ZNF248: variants seen among roughly 807,000 people sequenced by gnomAD.
The protein encoded by ZNF248 is zinc finger protein 248.
A neutral mutation model predicts 44.3 loss-of-function variants in ZNF248; 20 were observed. The observed-to-expected ratio is 0.45, with a 90% CI of 0.32 to 0.66. ZNF248 has a LOEUF of 0.66. ZNF248 is among the 30% of genes least tolerant of loss of function. The pLI, the probability that ZNF248 is intolerant of heterozygous loss-of-function variation, is 0.04. For synonymous variants in ZNF248, 224 were observed against 229.0 expected (o/e 0.98, Z 0.20); for missense variants, 654 against 677.0 (o/e 0.97, Z 0.38).
chr10:37,815,307 G>A (rs897047334), intron 6 of ZNF248, among the ~76,000 whole-genome samples: 4 of 151,980 alleles, frequency 2.6e-5, no homozygotes, highest in African/African-American at 9.7e-5. Context: ...CAGGTGATCT[G>A]CCTGCCTCAG....
chr10:37,834,038 GCTCATCCCTAATAACATACCTTCCA>G (rs919077942), intron 5 of ZNF248, among the ~76,000 whole-genome samples: 1 of 152,018 alleles, frequency 6.6e-6, no homozygotes, highest in African/African-American at 2.4e-5. Context: ...CTCAGAAATT[GCTCATCCCTAATAACATACCTTCCA>G]CTCAACTAGA....
intron 5 of ZNF248, among the ~76,000 whole-genome samples, chr10:37,837,031 T>C (rs2057352569): frequency 6.7e-6 from 1 of 149,742 alleles, no homozygotes; most frequent in Non-Finnish European, 1.5e-5. Context: ...AAAACATATC[T>C]AAAATGAAGC....
intron 6 of ZNF248, among the ~76,000 whole-genome samples, chr10:37,806,734 C>T (rs564894178): frequency 2.9e-4 from 44 of 151,922 alleles, no homozygotes; most frequent in Non-Finnish European, 6.0e-4. Flanking sequence ...AACATAAAAG[C>T]GTTATAAATT....
At chr10:37,763,688 T>A in the ZNF248 span, among the ~76,000 whole-genome samples, 18 of 152,182 alleles carry the variant, frequency 1.2e-4, no homozygotes, top group Non-Finnish European at 2.5e-4. Flanking sequence ...ACAGAAAAGA[T>A]ATGTTGTTGC....
intron 3 of ZNF248, among the ~76,000 whole-genome samples, chr10:37,849,255 C>G (rs937146575): frequency 1.3e-5 from 2 of 151,338 alleles, no homozygotes; most frequent in Admixed American, 1.3e-4. Flanking sequence ...TGACTACTGA[C>G]TACTACACCA....
the ZNF248 span, among the ~76,000 whole-genome samples, chr10:37,767,112 T>C: frequency 4.0e-5 from 6 of 151,816 alleles, no homozygotes; most frequent in Admixed American, 1.3e-4. Context: ...CTCCAAGAAA[T>C]ATGGGACTAG....
intron 1 of ZNF248, 73 bp from the exon 2 acceptor site, chr10:37,856,605 C>A (rs949692135): frequency 1.2e-5 from 13 of 1,089,956 alleles, no homozygotes; most frequent in Non-Finnish European, 1.2e-5. Context: ...GGAAAAAACA[C>A]TATGGGTTTG....
At position 37,856,284 on chromosome 10, in the gene ZNF248, C is replaced by T. The variant is rs377753443; in HGVS notation, c.15+12G>A. The T allele has an allele frequency of 1.2e-5, 20 of 1,612,158 alleles. No homozygotes were observed. Among genetic ancestry groups the T allele is most frequent in the Admixed American group, 3.3e-5 (2 of 59,870 alleles). On this transcript the variant is annotated intron_variant, in intron 3 of 5. Coordinates refer to ENST00000395867, the MANE Select transcript of ZNF248 (RefSeq NM_021045.3). The stretch of plus-strand genomic sequence containing the variant: ...TTTAAACAAACTGGGAATAAAGAAA[C>T]AAGAATCTCACCTGGGATTTGTTCA...
intron 6 of ZNF248, among the ~76,000 whole-genome samples, chr10:37,800,135 G>A (rs1465109504): frequency 1.3e-5 from 2 of 152,104 alleles, no homozygotes; most frequent in East Asian, 1.9e-4. Flanking sequence ...TTTATTTTAG[G>A]TTCAGGGGTA....
chr10:37,776,638 C>T (rs2046605402), intron 6 of ZNF248: 2 of 396,410 alleles, frequency 5.0e-6, no homozygotes, highest in South Asian at 1.3e-4. Flanking sequence ...CAAAGAACTT[C>T]CTTGTCTAAA....
At chr10:37,833,458 C>G (rs1456738814) in intron 5 of ZNF248, among the ~76,000 whole-genome samples, 1 of 152,152 alleles carries the variant, frequency 6.6e-6, no homozygotes, top group Admixed American at 6.6e-5. Flanking sequence ...ATGGGGTGAA[C>G]CCAACAGAGA....
At position 37,808,088 on chromosome 10, in the gene ZNF248, C is replaced by A. The variant is rs569453510; in HGVS notation, c.330+24937G>T. Among the ~76,000 whole-genome samples the A allele has an allele frequency of 7.9e-5, 12 of 152,052 alleles. No individual in the cohort carries two copies. The East Asian group carries it at 2.1e-3, about 27-fold the overall frequency. Reference sequence around the variant, plus strand: ...AGTGTTGAAATATGTCAAATGGTTTCTCTTCATCAATTGACATCATGTTTT... The same window carrying A: ...AGTGTTGAAATATGTCAAATGGTTTATCTTCATCAATTGACATCATGTTTT... On this transcript the variant is annotated intron_variant, in intron 6 of 6. Transcript: ENST00000615949.
intron 3 of ZNF248, among the ~76,000 whole-genome samples, chr10:37,849,441 G>A (rs915832418): frequency 3.3e-5 from 5 of 152,294 alleles, no homozygotes; most frequent in Admixed American, 2.6e-4. Flanking sequence ...CCAGCACTTT[G>A]GGAGGCCAAG....
chr10:37,790,740 TTAAAAA>T (rs2048417309), intron 6 of ZNF248, among the ~76,000 whole-genome samples: 1 of 139,026 alleles, frequency 7.2e-6, no homozygotes, highest in Non-Finnish European at 1.7e-5. Flanking sequence ...AAATAATTTT[TTAAAAA>T]AATAAAAATA....
In ZNF248 at chr10:37,809,791, G is replaced by A. The variant is rs1444531953; in HGVS notation, c.330+23234C>T. On this transcript the variant is annotated intron_variant, in intron 6 of 6. Coordinates refer to the ZNF248 transcript ENST00000615949. ...TTGTGATTTTTTTCTTTTACTTATGGGTTGTTTAAAGGTATATTATTTAAA... is the reference window on the plus strand; with the variant it reads ...TTGTGATTTTTTTCTTTTACTTATGAGTTGTTTAAAGGTATATTATTTAAA... Among the ~76,000 whole-genome samples, 12 of 151,682 alleles carry A rather than the reference G, an allele frequency of 7.9e-5. No individual in the cohort carries two copies. The East Asian group carries it at 2.1e-3, about 27-fold the overall frequency.
chr10:37,795,107 GA>G (rs1366643786), intron 6 of ZNF248: 1 of 152,174 alleles, frequency 6.6e-6, no homozygotes, highest in Non-Finnish European at 1.5e-5. Context: ...CTTAAAGTTT[GA>G]AATCTTAATT....
At chr10:37,767,959 AG>A in the ZNF248 span, among the ~76,000 whole-genome samples, 1 of 152,212 alleles carries the variant, frequency 6.6e-6, no homozygotes, top group African/African-American at 2.4e-5. Flanking sequence ...AAACAAAAAA[AG>A]GGAGGGGTTG....
intron 6 of ZNF248, among the ~76,000 whole-genome samples, chr10:37,778,354 A>C (rs1205106202): frequency 6.6e-6 from 1 of 152,150 alleles, no homozygotes; most frequent in Non-Finnish European, 1.5e-5. Flanking sequence ...ATGTCTGTTC[A>C]TGTCCTTTGC....
chr10:37,820,435 C>G, intron 6 of ZNF248: 2 of 1,570,364 alleles, frequency 1.3e-6, no homozygotes, highest in South Asian at 2.2e-5. Flanking sequence ...CCGTTGCCTC[C>G]TTTGCAGTGC....
Sources: gnomAD v4.1 joint callset for allele counts (sites outside exome capture counted in the v4.1 genomes callset) on GRCh38, gnomAD v4.1.1 for gene constraint, MANE v1.5 for transcripts, NCBI Gene and HGNC (gene_info 2026-07-23, HGNC 2026-07-21) for gene names.